ADAMTSL1: variants seen among roughly 807,000 people sequenced by gnomAD.
The protein encoded by ADAMTSL1 is ADAMTS like 1.
Under a neutral mutation model 201.8 loss-of-function variants are expected in ADAMTSL1, and 126 were observed. The ratio of observed to expected loss-of-function variants is 0.62; its 90% CI spans 0.54 to 0.72. The LOEUF (loss-of-function observed/expected upper bound fraction) is 0.72. Among genes scored for constraint, ADAMTSL1 ranks in the 30% least tolerant of loss-of-function variants. ADAMTSL1 has a pLI of 0.00. For synonymous variants in ADAMTSL1, 1,121 were observed against 903.4 expected, an observed-to-expected ratio of 1.24 and a Z score of -4.32; for missense variants, 2,679 against 2,277.8, an observed-to-expected ratio of 1.18 and a Z score of -3.59.
At chr9:18,660,540 AC>A (rs1353341275) in intron 8 of ADAMTSL1, among the ~76,000 whole-genome samples, 2 of 152,234 alleles carry the variant, frequency 1.3e-5, no homozygotes, top group Admixed American at 1.3e-4. Flanking sequence ...TTAATAATTT[AC>A]TGCATTGTTC....
chr9:18,269,561 C>A (rs1475391521), intron 2 of ADAMTSL1, among the ~76,000 whole-genome samples: 2 of 152,052 alleles, frequency 1.3e-5, no homozygotes, highest in Non-Finnish European at 2.9e-5. Context: ...ATAAATTTGG[C>A]AATGGTTTTC....
chr9:18,097,779 C>T (rs1207651850), intron 1 of ADAMTSL1, among the ~76,000 whole-genome samples: 1 of 151,922 alleles, frequency 6.6e-6, no homozygotes, highest in Non-Finnish European at 1.5e-5. Context: ...CTTCCCATTC[C>T]TAGGTTGTAA....
chr9:18,906,211 G>A (rs111810428), intron 27 of ADAMTSL1, among the ~76,000 whole-genome samples: 3,388 of 152,242 alleles, frequency 0.022, 110 homozygotes, highest in African/African-American at 0.075. Context: ...TCTGCACAGC[G>A]GCCACCAAGT....
chr9:18,888,251 C>T (rs1182496591), intron 24 of ADAMTSL1, among the ~76,000 whole-genome samples: 1 of 152,192 alleles, frequency 6.6e-6, no homozygotes, highest in African/African-American at 2.4e-5. Context: ...CCAGCAGAAC[C>T]TGGAAAAGCC....
At chr9:18,832,307 G>C (rs1000914512) in intron 23 of ADAMTSL1, among the ~76,000 whole-genome samples, 1 of 152,198 alleles carries the variant, frequency 6.6e-6, no homozygotes, top group Non-Finnish European at 1.5e-5. Context: ...TCAGACCACA[G>C]TGTGCGCTCT....
At chr9:18,867,983 T>C (rs1827648996) in intron 23 of ADAMTSL1, among the ~76,000 whole-genome samples, 1 of 152,326 alleles carries the variant, frequency 6.6e-6, no homozygotes, top group Admixed American at 6.5e-5. Context: ...GTATTCACCT[T>C]GTCTAACATA....
intron 1 of ADAMTSL1, among the ~76,000 whole-genome samples, chr9:18,111,891 T>A (rs78539767): frequency 0.029 from 4,430 of 152,224 alleles, 187 homozygotes; most frequent in African/African-American, 0.1. Flanking sequence ...TCTCTTCAAA[T>A]GGGATTAATA....
intron 1 of ADAMTSL1, among the ~76,000 whole-genome samples, chr9:18,060,268 G>T (rs777410102): frequency 1.1e-3 from 171 of 152,228 alleles, no homozygotes; most frequent in Non-Finnish European, 1.3e-3. Context: ...CTTTTGCCTG[G>T]ATCAAATATT....
At chr9:18,421,941 C>G (rs542611600) in intron 2 of ADAMTSL1, among the ~76,000 whole-genome samples, 1 of 152,180 alleles carries the variant, frequency 6.6e-6, no homozygotes, top group Non-Finnish European at 1.5e-5. Context: ...CTTTCATCAT[C>G]ATTTGCTGCA....
At chr9:18,078,104 G>A (rs1295319374) in intron 1 of ADAMTSL1, among the ~76,000 whole-genome samples, 2 of 152,224 alleles carry the variant, frequency 1.3e-5, no homozygotes, top group Non-Finnish European at 1.5e-5. Flanking sequence ...GATAAAAGTA[G>A]TAGCATTGCT....
intron 5 of ADAMTSL1, 84 bp downstream of exon 5, chr9:18,622,453 G>A (rs768782841): frequency 3.2e-6 from 5 of 1,574,084 alleles, no homozygotes; most frequent in Non-Finnish European, 3.5e-6. Context: ...AACAGCCAGG[G>A]AACAACACCT....
At chr9:18,367,309 T>A (rs961501409) in intron 2 of ADAMTSL1, among the ~76,000 whole-genome samples, 15 of 152,014 alleles carry the variant, frequency 9.9e-5, no homozygotes, top group African/African-American at 3.1e-4. Flanking sequence ...TAATGGACCA[T>A]AAGAATTTAG....
At chr9:17,931,170 T>C (rs552227850) in intron 1 of ADAMTSL1, among the ~76,000 whole-genome samples, 2 of 152,322 alleles carry the variant, frequency 1.3e-5, no homozygotes, top group African/African-American at 2.4e-5. Flanking sequence ...ATCATGATAC[T>C]GCACTTTTAT....
intron 3 of ADAMTSL1, among the ~76,000 whole-genome samples, chr9:18,544,855 A>G (rs1387848915): frequency 6.6e-6 from 1 of 152,230 alleles, no homozygotes; most frequent in African/African-American, 2.4e-5. Context: ...GACTAAATGC[A>G]TGTATGAAGA....
At chr9:18,897,471 C>G (rs377485609) in intron 26 of ADAMTSL1, among the ~76,000 whole-genome samples, 9 of 152,314 alleles carry the variant, frequency 5.9e-5, no homozygotes, top group African/African-American at 2.2e-4. Context: ...TCTGGGCCAG[C>G]AACAGGTCAG....
intron 23 of ADAMTSL1, among the ~76,000 whole-genome samples, chr9:18,849,833 C>G (rs928500207): frequency 9.9e-5 from 15 of 152,158 alleles, no homozygotes; most frequent in African/African-American, 3.6e-4. Flanking sequence ...TTTATGGCTC[C>G]TGTTTATATA....
chr9:18,672,204 C>A (rs1829862915), intron 9 of ADAMTSL1, among the ~76,000 whole-genome samples: 1 of 149,538 alleles, frequency 6.7e-6, no homozygotes, highest in South Asian at 2.1e-4. Context: ...TTTTTTAACA[C>A]TGGGGACTCT....
At chr9:17,981,125 G>C (rs1328831187) in intron 1 of ADAMTSL1, among the ~76,000 whole-genome samples, 5 of 152,270 alleles carry the variant, frequency 3.3e-5, no homozygotes, top group African/African-American at 1.2e-4. Flanking sequence ...CATAAGATTT[G>C]GTGGGGTCAT....
chr9:18,362,934 C>G (rs894379745), intron 2 of ADAMTSL1, among the ~76,000 whole-genome samples: 4 of 152,140 alleles, frequency 2.6e-5, no homozygotes, highest in African/African-American at 9.7e-5. Context: ...GAAAATAACC[C>G]AGATAAGCAT....
Sources: allele counts gnomAD v4.1 joint callset (sites outside exome capture counted in the v4.1 genomes callset), GRCh38; gene constraint gnomAD v4.1.1; transcripts MANE v1.5; gene names NCBI Gene and HGNC (gene_info 2026-07-23, HGNC 2026-07-21).